The following NCAM2 variants were observed in gnomAD, a reference collection of about 807,000 sequenced individuals.
The protein encoded by NCAM2 is N-CAM-2.
Under a neutral mutation model 98.1 loss-of-function variants are expected in NCAM2, and 30 were observed. The ratio of observed to expected loss-of-function variants is 0.31; its 90% CI spans 0.23 to 0.41. The LOEUF is 0.41. Among genes scored for constraint, NCAM2 ranks in the 10% least tolerant of loss-of-function variants. NCAM2 has a pLI of 1.00. For synonymous variants in NCAM2, 368 were observed against 342.4 expected, an observed-to-expected ratio of 1.07 and a Z score of -0.83; for missense variants, 867 against 1,005.8, an observed-to-expected ratio of 0.86 and a Z score of 1.87.
chr21:21,236,448 A>T (rs1259576279), intron 1 of NCAM2, among the ~76,000 whole-genome samples: 9 of 150,738 alleles, frequency 6.0e-5, no homozygotes, highest in African/African-American at 1.7e-4. Flanking sequence ...TTTCTTTGTA[A>T]TTTTTTTTTG....
intron 1 of NCAM2, among the ~76,000 whole-genome samples, chr21:21,048,236 A>C (rs2065037432): frequency 6.6e-6 from 1 of 152,128 alleles, no homozygotes; most frequent in Non-Finnish European, 1.5e-5. Flanking sequence ...TAAACATTTC[A>C]TTTCTATTAA....
At chr21:21,450,792 A>ATG (rs367691757) in intron 12 of NCAM2, among the ~76,000 whole-genome samples, 69 of 74,592 alleles carry the variant, frequency 9.3e-4, no homozygotes, top group African/African-American at 3.1e-3. Context: ...GTATGTATGT[A>ATG]TACACACACA....
chr21:21,358,138 A>T (rs549040517), intron 8 of NCAM2, among the ~76,000 whole-genome samples: 3 of 152,254 alleles, frequency 2.0e-5, no homozygotes, highest in South Asian at 4.1e-4. Context: ...AAATATTTTC[A>T]TTCGATGTGA....
chr21:21,086,830 GGT>G (rs143868781), intron 1 of NCAM2, among the ~76,000 whole-genome samples: 7 of 150,486 alleles, frequency 4.7e-5, no homozygotes, highest in South Asian at 2.1e-4. Flanking sequence ...TAAATGCAAG[GGT>G]GTGTGTGTGT....
chr21:21,474,178 T>G (rs1275562259), intron 14 of NCAM2, among the ~76,000 whole-genome samples: 3 of 152,020 alleles, frequency 2.0e-5, no homozygotes, highest in Admixed American at 6.6e-5. Context: ...TTTAATTTTT[T>G]TCCTATTCCC....
At chr21:21,175,201 G>C (rs1180336158) in intron 1 of NCAM2, among the ~76,000 whole-genome samples, 2 of 152,000 alleles carry the variant, frequency 1.3e-5, no homozygotes, top group African/African-American at 4.8e-5. Flanking sequence ...AGTAATCCGG[G>C]GTCAGTGGGT....
chr21:21,266,114 A>G (rs1424115663), intron 1 of NCAM2, among the ~76,000 whole-genome samples: 1 of 152,090 alleles, frequency 6.6e-6, no homozygotes, highest in Non-Finnish European at 1.5e-5. Flanking sequence ...CTTCTACCTG[A>G]TATTTTAAAA....
chr21:21,279,065 A>G (rs2072833036), intron 1 of NCAM2, among the ~76,000 whole-genome samples: 1 of 152,026 alleles, frequency 6.6e-6, no homozygotes, highest in African/African-American at 2.4e-5. Flanking sequence ...AGCCTATGAT[A>G]TGGTTCTTCT....
chr21:21,080,390 G>A (rs1203871290), intron 1 of NCAM2, among the ~76,000 whole-genome samples: 2 of 151,892 alleles, frequency 1.3e-5, no homozygotes, highest in Admixed American at 1.3e-4. Flanking sequence ...GCCGAGGTAG[G>A]CAGGTCACCT....
intron 1 of NCAM2, among the ~76,000 whole-genome samples, chr21:21,142,670 C>T (rs951088215): frequency 2.0e-5 from 3 of 152,026 alleles, no homozygotes; most frequent in South Asian, 2.1e-4. Context: ...TGAGCCACTG[C>T]GCCCAGCCTT....
chr21:21,396,633 G>T (rs1199052978), intron 9 of NCAM2, among the ~76,000 whole-genome samples: 3 of 152,148 alleles, frequency 2.0e-5, no homozygotes, highest in Admixed American at 1.3e-4. Context: ...CAGCCACTGG[G>T]CCCAGCCAGG....
rs572678337 is a variant in NCAM2 at position 21,317,169 on chromosome 21, G to T, written c.620-7214G>T. 2.0e-5 allele frequency among the ~76,000 whole-genome samples: 3 copies of T among 152,238 alleles called. No individual in the cohort carries two copies. The South Asian group carries it at 6.2e-4, about 32-fold the overall frequency. On this transcript the variant is annotated intron_variant, in intron 5 of 17. Coordinates refer to ENST00000400546, the MANE Select transcript of NCAM2 (RefSeq NM_004540.5). ...ACGTGGACACATTATCCCCCTCTCAGATTCTTCACTCTTCCAGGAGTTTCC... is the reference window on the plus strand; with the variant it reads ...ACGTGGACACATTATCCCCCTCTCATATTCTTCACTCTTCCAGGAGTTTCC...
intron 1 of NCAM2, among the ~76,000 whole-genome samples, chr21:21,272,500 G>GCGCGCA (rs1020932114): frequency 3.9e-5 from 2 of 51,134 alleles, no homozygotes; most frequent in African/African-American, 1.2e-4. Flanking sequence ...ACACACATGC[G>GCGCGCA]CGCGCGCGCA....
At chr21:21,068,457 C>CTTT (rs2065488778) in intron 1 of NCAM2, among the ~76,000 whole-genome samples, 1 of 121,682 alleles carries the variant, frequency 8.2e-6, no homozygotes, top group African/African-American at 3.4e-5. Context: ...CATGGTATTG[C>CTTT]ATTTTTTTTT....
intron 1 of NCAM2, among the ~76,000 whole-genome samples, chr21:21,208,977 T>G (rs1009267545): frequency 6.6e-6 from 1 of 152,192 alleles, no homozygotes; most frequent in African/African-American, 2.4e-5. Context: ...TCATTTTTTT[T>G]TAACCTGGAC....
At chr21:21,508,337 TTAAAA>T (rs1356607208) in intron 15 of NCAM2, among the ~76,000 whole-genome samples, 4 of 152,286 alleles carry the variant, frequency 2.6e-5, no homozygotes, top group East Asian at 1.9e-4. Flanking sequence ...ACATTCTCTG[TTAAAA>T]TAACGCGCTC....
chr21:21,212,056 G>T (rs1233134967), intron 1 of NCAM2, among the ~76,000 whole-genome samples: 1 of 152,160 alleles, frequency 6.6e-6, no homozygotes, highest in Non-Finnish European at 1.5e-5. Context: ...TCGTGCTTGG[G>T]CATGTATTCT....
intron 1 of NCAM2, among the ~76,000 whole-genome samples, chr21:21,034,451 C>T (rs920793235): frequency 2.0e-5 from 3 of 152,030 alleles, no homozygotes; most frequent in Non-Finnish European, 4.4e-5. Flanking sequence ...CTTTCTCGGT[C>T]GTCCATACAT....
chr21:21,029,578 C>T (rs996775184), intron 1 of NCAM2, among the ~76,000 whole-genome samples: 2 of 152,040 alleles, frequency 1.3e-5, no homozygotes, highest in Admixed American at 6.6e-5. Context: ...AAATAGTTAT[C>T]TTCATAAACT....
Sources: allele counts gnomAD v4.1 joint callset (sites outside exome capture counted in the v4.1 genomes callset), GRCh38; gene constraint gnomAD v4.1.1; transcripts MANE v1.5; gene names NCBI Gene and HGNC (gene_info 2026-07-23, HGNC 2026-07-21).